The following RASEF variants were observed in gnomAD, a reference collection of about 807,000 sequenced individuals.
The protein encoded by RASEF is ras and EF-hand domain-containing protein.
In RASEF, 68 loss-of-function variants were observed where a neutral mutation model predicts 90.1. The ratio of observed to expected loss-of-function variants is 0.75; its 90% CI spans 0.62 to 0.92. RASEF has a LOEUF of 0.92. Ranked by LOEUF, RASEF falls within the 40% of genes least tolerant of loss-of-function variation. RASEF has a pLI of 0.00. For missense variants in RASEF, 949 were observed against 937.2 expected, an observed-to-expected ratio of 1.01 and a Z score of -0.16; for synonymous variants, 331 against 345.2, an observed-to-expected ratio of 0.96 and a Z score of 0.46.
At chr9:83,090,930 A>C in the RASEF span, among the ~76,000 whole-genome samples, 1 of 152,074 alleles carries the variant, frequency 6.6e-6, no homozygotes, top group African/African-American at 2.4e-5. Context: ...AGTCTATATT[A>C]TCTCTCACGT....
chr9:83,044,214 A>C (rs1829890319), intron 1 of RASEF, among the ~76,000 whole-genome samples: 1 of 152,154 alleles, frequency 6.6e-6, no homozygotes, highest in South Asian at 2.1e-4. Flanking sequence ...TGCAGAAAGG[A>C]GGGAAGGAAG....
chr9:83,209,087 T>A, the RASEF span, among the ~76,000 whole-genome samples: 3 of 152,248 alleles, frequency 2.0e-5, no homozygotes, highest in Non-Finnish European at 4.4e-5. Flanking sequence ...CTGGGCTCTC[T>A]GGTCCCAGTA....
chr9:83,176,220 C>T, the RASEF span, among the ~76,000 whole-genome samples: 2 of 152,298 alleles, frequency 1.3e-5, no homozygotes, highest in Middle Eastern at 6.8e-3. Context: ...ACATCTTCCT[C>T]ATAGATTGGC....
At position 83,007,488 on chromosome 9, in the gene RASEF, C is replaced by T. The variant is rs372693188; in HGVS notation, c.977G>A (p.Arg326Gln). The T allele has an allele frequency of 3.7e-5, 60 of 1,612,906 alleles. No homozygotes were observed. In the Middle Eastern group the frequency reaches 6.6e-4, roughly 18 times the overall value. ...LNTERDLEII[R>Q]AYTEDRNSLE... ...ACTATTTCGATCTTCTGTGTATGCT[C>T]GGATTATTTCCAGATCCCTGTAAAA... The change falls in exon 7 of 17, where the codon CGA becomes CAA. Residue 326 changes from arginine (R) to glutamine (Q), a missense_variant. Arg to Gln is a conservative substitution (Grantham distance 43). Coordinates refer to ENST00000376447, the MANE Select transcript of RASEF (RefSeq NM_152573.4).
the RASEF span, among the ~76,000 whole-genome samples, chr9:83,159,050 G>A: frequency 6.6e-6 from 1 of 152,098 alleles, no homozygotes; most frequent in Non-Finnish European, 1.5e-5. Context: ...GCCAGGCGTG[G>A]TGGCAGGTGC....
the RASEF span, among the ~76,000 whole-genome samples, chr9:83,195,953 G>C: frequency 6.6e-6 from 1 of 152,156 alleles, no homozygotes; most frequent in Non-Finnish European, 1.5e-5. Flanking sequence ...CAGAAGCCCA[G>C]CTGGGCGGCT....
the RASEF span, among the ~76,000 whole-genome samples, chr9:83,192,587 G>A: frequency 6.6e-6 from 1 of 151,886 alleles, no homozygotes; most frequent in East Asian, 1.9e-4. Flanking sequence ...GAGGGGAGCA[G>A]AAAAAATAAC....
intron 1 of RASEF, chr9:83,048,093 C>A: frequency 1.0e-6 from 1 of 984,746 alleles, no homozygotes; most frequent in South Asian, 4.7e-5. Context: ...GCCGTAGACT[C>A]CACATCACTG....
In RASEF at chr9:82,993,026, C is replaced by T; in HGVS notation, c.1921-1G>A. 1.2e-6 allele frequency: 2 copies of T among 1,611,118 alleles called. No homozygotes were observed. The highest frequency in any genetic ancestry group is 1.7e-6 in the Non-Finnish European group (2 of 1,179,184). On this transcript the variant is annotated splice_acceptor_variant, in intron 14 of 16. Coordinates refer to ENST00000376447, the MANE Select transcript of RASEF (RefSeq NM_152573.4). LOFTEE classifies it high-confidence loss of function. ...TGGGAACAGTCTCATGGGCTGCATC[C>T]TACCAGGAAGAAAAAAAAAATGGGG...
intron 1 of RASEF, among the ~76,000 whole-genome samples, chr9:83,036,710 C>A (rs934887497): frequency 6.6e-6 from 1 of 151,608 alleles, no homozygotes; most frequent in South Asian, 2.1e-4. Context: ...GGAACAACAA[C>A]AAAAAAGGGA....
At position 83,062,381 on chromosome 9, in the gene RASEF, G is replaced by A. The variant is rs536117742; in HGVS notation, c.431+56C>T. On this transcript the variant is annotated intron_variant, in intron 1 of 16. Transcript: ENST00000376447. ...GGTCTGCACACCTGCAAGTAAGTGG[G>A]AAGAAGCAAGCAGGAAGCGCCAGAA... 66 of 1,573,304 alleles carry A rather than the reference G, an allele frequency of 4.2e-5. No homozygotes were observed. The African/African-American group carries it at 8.1e-4, about 19-fold the overall frequency.
chr9:83,006,925 C>G (rs958060447), intron 7 of RASEF, among the ~76,000 whole-genome samples: 2 of 151,880 alleles, frequency 1.3e-5, no homozygotes, highest in South Asian at 2.1e-4. Context: ...AATGCCGTCT[C>G]TACTAAAAAA....
the RASEF span, among the ~76,000 whole-genome samples, chr9:83,194,844 C>T: frequency 6.6e-6 from 1 of 152,178 alleles, no homozygotes; most frequent in Non-Finnish European, 1.5e-5. Context: ...ACTCCTGTGC[C>T]CCTTTGATAT....
chr9:83,203,087 A>G, the RASEF span, among the ~76,000 whole-genome samples: 2 of 152,196 alleles, frequency 1.3e-5, no homozygotes, highest in Non-Finnish European at 2.9e-5. Context: ...TATAGATATT[A>G]TATGCCCCAT....
the RASEF span, among the ~76,000 whole-genome samples, chr9:83,179,789 G>A: frequency 1.4e-4 from 21 of 151,986 alleles, no homozygotes; most frequent in Non-Finnish European, 2.5e-4. Flanking sequence ...GCCACCATTT[G>A]TGTAAAACAC....
chr9:83,025,302 G>A (rs1829524172), intron 2 of RASEF, among the ~76,000 whole-genome samples: 1 of 152,080 alleles, frequency 6.6e-6, no homozygotes, highest in African/African-American at 2.4e-5. Context: ...CAGTGTGCAG[G>A]GCTCACCCAT....
At chr9:83,118,855 C>A in the RASEF span, among the ~76,000 whole-genome samples, 9 of 152,132 alleles carry the variant, frequency 5.9e-5, no homozygotes, top group Admixed American at 5.2e-4. Flanking sequence ...TATAATAGGA[C>A]ATAAAAGCCA....
chr9:83,126,448 T>C, the RASEF span, among the ~76,000 whole-genome samples: 1 of 152,210 alleles, frequency 6.6e-6, no homozygotes, highest in Non-Finnish European at 1.5e-5. Flanking sequence ...AGCTACCTAG[T>C]CTACAGTATT....
the RASEF span, among the ~76,000 whole-genome samples, chr9:83,214,537 T>G: frequency 6.6e-6 from 1 of 152,146 alleles, no homozygotes. Flanking sequence ...CTTGGTTATA[T>G]GGTTTGGCTG....
Sources: allele counts gnomAD v4.1 joint callset (sites outside exome capture counted in the v4.1 genomes callset), GRCh38; gene constraint gnomAD v4.1.1; transcripts MANE v1.5; gene names NCBI Gene and HGNC (gene_info 2026-07-23, HGNC 2026-07-21).